Variants in TTLL11 observed in about 807,000 individuals in gnomAD.
TTLL11 encodes tubulin polyglutamylase TTLL11.
A neutral mutation model predicts 51.7 loss-of-function variants in TTLL11; 42 were observed. That is an observed-to-expected ratio of 0.81 (90% CI 0.64 to 1.05). The LOEUF (loss-of-function observed/expected upper bound fraction) is 1.05. TTLL11 is among the 50% of genes least tolerant of loss of function. The pLI is 0.00. For missense variants in TTLL11, 799 were observed against 940.4 expected (o/e 0.85, Z 1.97); for synonymous variants, 381 against 383.5 (o/e 0.99, Z 0.08).
intron 8 of TTLL11, among the ~76,000 whole-genome samples, chr9:121,836,738 G>A (rs531356664): frequency 6.6e-6 from 1 of 152,292 alleles, no homozygotes; most frequent in East Asian, 1.9e-4. Flanking sequence ...AACGTGAGAT[G>A]GGGGTGTTAG....
At position 121,898,668 on chromosome 9, in the gene TTLL11, AC is replaced by A. The variant is rs1277693539; in HGVS notation, c.1482-27921del. On this transcript the variant is annotated intron_variant, in intron 6 of 8. Coordinates refer to ENST00000321582, the MANE Select transcript of TTLL11 (RefSeq NM_001139442.2). ...GCACGGTGGGCTCCCTGGGCATGGC[AC>A]TTAATGGGAGCAGGTCATTCTGGCC... is the stretch of plus-strand genomic sequence containing the variant. Among the ~76,000 whole-genome samples, 4 of 152,284 alleles carry A rather than the reference AC, an allele frequency of 2.6e-5. No individual in the cohort carries two copies. In the East Asian group the frequency reaches 7.8e-4, roughly 30 times the overall value.
At chr9:122,075,670 C>T (rs1348783520) in intron 1 of TTLL11, among the ~76,000 whole-genome samples, 1 of 152,130 alleles carries the variant, frequency 6.6e-6, no homozygotes, top group Non-Finnish European at 1.5e-5. Flanking sequence ...TAAGAAAATG[C>T]CATAAAAATC....
intron 7 of TTLL11, among the ~76,000 whole-genome samples, chr9:121,860,913 T>G (rs899468787): frequency 6.6e-6 from 1 of 152,186 alleles, no homozygotes; most frequent in Non-Finnish European, 1.5e-5. Flanking sequence ...GGGTCTGGAA[T>G]GTCCTCCCTT....
chr9:121,955,229 A>G (rs907265501), intron 6 of TTLL11, among the ~76,000 whole-genome samples: 1 of 152,244 alleles, frequency 6.6e-6, no homozygotes, highest in Non-Finnish European at 1.5e-5. Flanking sequence ...CCATTTACTT[A>G]TATAAATTCC....
In TTLL11 at chr9:122,041,513, T is replaced by C. The variant is rs567721796; in HGVS notation, c.463-2145A>G. Reference sequence around the variant, plus strand: ...TGTTTGTTGATGACATGATCCCATATGTAGAAAACTCTAATGATTCCACAG... The same window carrying C: ...TGTTTGTTGATGACATGATCCCATACGTAGAAAACTCTAATGATTCCACAG... On this transcript the variant is annotated intron_variant, in intron 1 of 8. Coordinates refer to ENST00000321582, the MANE Select transcript of TTLL11 (RefSeq NM_001139442.2). Among the ~76,000 whole-genome samples, 6 of 152,334 alleles carry C rather than the reference T, an allele frequency of 3.9e-5. No homozygotes were observed. In the East Asian group the frequency reaches 7.7e-4, roughly 20 times the overall value.
At chr9:121,975,714 AAAAC>A (rs897749634) in intron 4 of TTLL11, among the ~76,000 whole-genome samples, 15 of 152,294 alleles carry the variant, frequency 9.8e-5, no homozygotes, top group South Asian at 4.1e-4. Flanking sequence ...TGTGTCTCAA[AAAAC>A]AAACAAACAA....
At chr9:121,891,667 C>G (rs934470708) in intron 6 of TTLL11, among the ~76,000 whole-genome samples, 1 of 152,196 alleles carries the variant, frequency 6.6e-6, no homozygotes, top group Non-Finnish European at 1.5e-5. Context: ...TGTCACGGAA[C>G]TGAGAACTTC....
intron 1 of TTLL11, among the ~76,000 whole-genome samples, chr9:122,077,109 A>G (rs778057776): frequency 6.6e-6 from 1 of 152,208 alleles, no homozygotes; most frequent in Non-Finnish European, 1.5e-5. Context: ...AAATGAAGGT[A>G]ATTTTGGACA....
intron 1 of TTLL11, among the ~76,000 whole-genome samples, chr9:122,083,745 G>A (rs1050389993): frequency 2.0e-5 from 3 of 152,132 alleles, no homozygotes; most frequent in Non-Finnish European, 4.4e-5. Flanking sequence ...GGGAGGCAGA[G>A]GTTGCAGTGA....
intron 7 of TTLL11, among the ~76,000 whole-genome samples, chr9:121,860,928 C>G (rs1837986929): frequency 6.6e-6 from 1 of 152,196 alleles, no homozygotes; most frequent in Admixed American, 6.5e-5. Flanking sequence ...TCCCTTACCA[C>G]AGCTGGAACT....
intron 8 of TTLL11, among the ~76,000 whole-genome samples, chr9:121,827,661 A>C (rs1452705326): frequency 6.6e-6 from 1 of 152,196 alleles, no homozygotes. Context: ...CTGGTCCCAC[A>C]ATGGCCCATT....
chr9:121,886,200 G>A (rs1209181458), intron 6 of TTLL11, among the ~76,000 whole-genome samples: 1 of 152,214 alleles, frequency 6.6e-6, no homozygotes, highest in East Asian at 1.9e-4. Context: ...TTCTCCATAT[G>A]TGACTTTGGG....
At chr9:121,962,750 T>C (rs1256918854) in intron 6 of TTLL11, among the ~76,000 whole-genome samples, 1 of 152,262 alleles carries the variant, frequency 6.6e-6, no homozygotes, top group Non-Finnish European at 1.5e-5. Context: ...CTCTTCTTTG[T>C]ACATTGGCTT....
At chr9:122,083,622 TA>T (rs1272835318) in intron 1 of TTLL11, among the ~76,000 whole-genome samples, 1 of 152,062 alleles carries the variant, frequency 6.6e-6, no homozygotes, top group Non-Finnish European at 1.5e-5. Flanking sequence ...CCAGCCTGGC[TA>T]ACATGGTGAA....
In TTLL11 at chr9:121,989,832, A is replaced by G; in HGVS notation, c.694-62T>C. ...TTTTCCCTCTGGATCCCTAACACAG[A>G]GCAAGGCCTTAGCAAATGTGTGGTG... On this transcript the variant is annotated intron_variant, in intron 3 of 8. Coordinates refer to ENST00000321582, the MANE Select transcript of TTLL11 (RefSeq NM_001139442.2). The surrounding 1 kb of genome is among the most constrained non-coding windows in gnomAD (Gnocchi z 4.2). 6.5e-7 allele frequency: 1 copy of G among 1,527,384 alleles called. No individual in the cohort carries two copies. Among genetic ancestry groups the G allele is most frequent in the Non-Finnish European group, 8.8e-7 (1 of 1,142,448 alleles). The allele number at this position is 1,527,384 out of a possible 1,614,324, so 94.6% of individuals were successfully genotyped here. A position where few individuals can be genotyped will look rare whatever the true frequency, so the allele number is the denominator to read the frequency against.
chr9:122,005,216 G>A (rs567610207), intron 3 of TTLL11, among the ~76,000 whole-genome samples: 13 of 152,302 alleles, frequency 8.5e-5, no homozygotes, highest in African/African-American at 3.1e-4. Flanking sequence ...GGGTGCGGAG[G>A]GGATTCACTC....
chr9:121,943,413 G>A (rs1030484249), intron 6 of TTLL11, among the ~76,000 whole-genome samples: 5 of 152,250 alleles, frequency 3.3e-5, no homozygotes, highest in South Asian at 2.1e-4. Context: ...GTGTGAGTCC[G>A]TGAATGCAGG....
chr9:121,875,734 C>A (rs4240472), intron 6 of TTLL11, among the ~76,000 whole-genome samples: 2 of 152,018 alleles, frequency 1.3e-5, no homozygotes, highest in African/African-American at 4.8e-5. Flanking sequence ...ATGGAAATGT[C>A]GGGCTTATGA....
intron 8 of TTLL11, among the ~76,000 whole-genome samples, chr9:121,857,569 A>G (rs1837866998): frequency 6.6e-6 from 1 of 152,244 alleles, no homozygotes; most frequent in Non-Finnish European, 1.5e-5. Context: ...AACTGCTGTT[A>G]CTACTATTCC....
Sources: gnomAD v4.1 joint callset for allele counts (sites outside exome capture counted in the v4.1 genomes callset) on GRCh38, gnomAD v4.1.1 for gene constraint, Gnocchi (gnomAD v3.1) non-coding constraint, MANE v1.5 for transcripts, NCBI Gene and HGNC (gene_info 2026-07-23, HGNC 2026-07-21) for gene names.